The following EYA4 variants were observed in gnomAD, a reference collection of about 807,000 sequenced individuals.
The protein encoded by EYA4 is EYA transcriptional coactivator and phosphatase 4.
A neutral mutation model predicts 87.9 loss-of-function variants in EYA4; 31 were observed. The observed-to-expected ratio is 0.35, with a 90% CI of 0.27 to 0.48. The LOEUF (loss-of-function observed/expected upper bound fraction) is 0.48. EYA4 is among the 20% of genes least tolerant of loss of function. The pLI is 0.99. For missense variants in EYA4, 678 were observed against 761.4 expected, an observed-to-expected ratio of 0.89 and a Z score of 1.29; for synonymous variants, 263 against 270.6, an observed-to-expected ratio of 0.97 and a Z score of 0.28.
At chr6:133,408,436 G>C (rs1788920406) in intron 3 of EYA4, among the ~76,000 whole-genome samples, 1 of 151,986 alleles carries the variant, frequency 6.6e-6, no homozygotes, top group African/African-American at 2.4e-5. Context: ...ATTTGGTCTG[G>C]TTCTTAGAAT....
At position 133,454,580 on chromosome 6, in the gene EYA4, T is replaced by C. The variant is rs1793748057; in HGVS notation, c.278-1976T>C. On this transcript the variant is annotated intron_variant, in intron 5 of 19. Transcript: ENST00000355286. ...CTGAAAAATAAAGATGATGATATTATCTACTGACTGTTGAGAGGAGTAAAT... is the reference window on the plus strand; with the variant it reads ...CTGAAAAATAAAGATGATGATATTACCTACTGACTGTTGAGAGGAGTAAAT... Among the ~76,000 whole-genome samples, 5 of 152,148 alleles carry C rather than the reference T, an allele frequency of 3.3e-5. No homozygotes were observed. In the South Asian group the frequency reaches 1.0e-3, roughly 31 times the overall value.
chr6:133,507,301 A>G (rs1378746412), intron 14 of EYA4: 1 of 152,228 alleles, frequency 6.6e-6, no homozygotes, highest in African/African-American at 2.4e-5. Context: ...TCCAGAGCAC[A>G]TACTTCTGAC....
At chr6:133,526,238 G>A (rs1800621964) in intron 19 of EYA4, among the ~76,000 whole-genome samples, 1 of 152,098 alleles carries the variant, frequency 6.6e-6, no homozygotes, top group African/African-American at 2.4e-5. Context: ...AACAAAGCCA[G>A]ATGATGAATT....
intron 6 of EYA4, among the ~76,000 whole-genome samples, chr6:133,458,908 G>C (rs1203714152): frequency 6.6e-6 from 1 of 152,172 alleles, no homozygotes; most frequent in Non-Finnish European, 1.5e-5. Context: ...GTTGTATGCA[G>C]AAATGATGGA....
At chr6:133,528,445 TCCA>T (rs1800806795) in intron 19 of EYA4, among the ~76,000 whole-genome samples, 1 of 152,148 alleles carries the variant, frequency 6.6e-6, no homozygotes, top group Non-Finnish European at 1.5e-5. Context: ...TAGCGATACT[TCCA>T]GAATAAATAT....
chr6:133,512,870 T>C lies in EYA4; in HGVS notation c.1341-8T>C. 1 of 1,614,006 alleles carries C rather than the reference T, an allele frequency of 6.2e-7. No individual in the cohort carries two copies. ...TTATTTCTTTTTAATGTATTTTGGG[T>C]GTTACAGTACCTACAGTTTTGCAAC... On this transcript the variant is annotated splice_region_variant and splice_polypyrimidine_tract_variant and intron_variant, in intron 15 of 19. Coordinates refer to ENST00000355286, the MANE Select transcript of EYA4 (RefSeq NM_004100.5).
chr6:133,319,820 A>T (rs1347669314), intron 2 of EYA4, among the ~76,000 whole-genome samples: 1 of 151,484 alleles, frequency 6.6e-6, no homozygotes, highest in Non-Finnish European at 1.5e-5. Context: ...AGCTCAAGCG[A>T]TCCTCCCATC....
intron 2 of EYA4, among the ~76,000 whole-genome samples, chr6:133,288,334 G>T (rs967906227): frequency 1.3e-5 from 2 of 152,132 alleles, no homozygotes; most frequent in Admixed American, 1.3e-4. Flanking sequence ...ATCGAGTAAA[G>T]AATCAATAAA....
Position 133,529,761 on chromosome 6 carries a change from C to A in EYA4, c.*956C>A. On this transcript the variant is annotated 3_prime_UTR_variant, in exon 20 of 20. Transcript: ENST00000355286. ...GAAGGTTTGGGAAAGACTGTGGGACCTTTACTTAGAAAGTGAAATGTATGT... is the reference window on the plus strand; with the variant it reads ...GAAGGTTTGGGAAAGACTGTGGGACATTTACTTAGAAAGTGAAATGTATGT... 1.0e-6 allele frequency: 1 copy of A among 985,090 alleles called. No individual in the cohort carries two copies. The highest frequency in any genetic ancestry group is 4.7e-5 in the South Asian group (1 of 21,272). 61.0% of individuals were successfully genotyped at this position (985,090 alleles called of 1,614,324 possible).
At position 133,377,846 on chromosome 6, in the gene EYA4, C is replaced by A. The variant is rs575747219; in HGVS notation, c.34-4546C>A. Among the ~76,000 whole-genome samples the A allele has an allele frequency of 7.9e-5, 12 of 152,048 alleles. 1 individual carries two copies. The South Asian group carries it at 2.1e-3, about 26-fold the overall frequency. ...AAATGGGAGATATTAGTCAAGGGTA[C>A]AAAGTTTTACTTATGCAAGGTGGGT... On this transcript the variant is annotated intron_variant, in intron 2 of 19. Coordinates refer to ENST00000355286, the MANE Select transcript of EYA4 (RefSeq NM_004100.5).
chr6:133,441,486 G>A (rs1032413416), intron 3 of EYA4, among the ~76,000 whole-genome samples: 1 of 152,206 alleles, frequency 6.6e-6, no homozygotes, highest in African/African-American at 2.4e-5. Flanking sequence ...CGCACTTACA[G>A]ATAGAGCAAT....
At chr6:133,272,053 C>T (rs967067399) in intron 1 of EYA4, among the ~76,000 whole-genome samples, 2 of 152,230 alleles carry the variant, frequency 1.3e-5, no homozygotes, top group African/African-American at 4.8e-5. Flanking sequence ...TATATAATCA[C>T]ACATCTGGGC....
chr6:133,260,220 T>C (rs1169581404), intron 1 of EYA4, among the ~76,000 whole-genome samples: 2 of 151,714 alleles, frequency 1.3e-5, no homozygotes, highest in Non-Finnish European at 2.9e-5. Context: ...CTGTGTTTTG[T>C]TTCTTTATGT....
intron 2 of EYA4, among the ~76,000 whole-genome samples, chr6:133,336,867 G>A (rs7753675): frequency 0.025 from 3,853 of 152,106 alleles, 152 homozygotes; most frequent in African/African-American, 0.087. Context: ...CAATTTTTTT[G>A]CATCTATGAA....
At chr6:133,339,974 A>G (rs1394532980) in intron 2 of EYA4, among the ~76,000 whole-genome samples, 1 of 152,190 alleles carries the variant, frequency 6.6e-6, no homozygotes, top group Admixed American at 6.5e-5. Flanking sequence ...GCTAAAAACA[A>G]CAAGTAGGTT....
At chr6:133,500,208 A>C (rs952368225) in intron 13 of EYA4, among the ~76,000 whole-genome samples, 1 of 151,826 alleles carries the variant, frequency 6.6e-6, no homozygotes, top group Non-Finnish European at 1.5e-5. Flanking sequence ...TGATGCGTGG[A>C]CCCACCTCAG....
intron 2 of EYA4, among the ~76,000 whole-genome samples, chr6:133,331,202 T>C (rs1009093869): frequency 2.3e-4 from 35 of 152,260 alleles, no homozygotes; most frequent in Non-Finnish European, 3.8e-4. Context: ...CAAATAGATA[T>C]GGTTTTATGA....
intron 17 of EYA4, among the ~76,000 whole-genome samples, 189 bp downstream of exon 17, chr6:133,515,624 T>A (rs141626936): frequency 2.3e-4 from 4 of 17,508 alleles, no homozygotes; most frequent in East Asian, 3.6e-3. Flanking sequence ...TGTGTGTGAG[T>A]GTGTGTGTGT....
At chr6:133,369,934 A>ATGCTGG (rs1254881564) in intron 2 of EYA4, among the ~76,000 whole-genome samples, 1 of 151,964 alleles carries the variant, frequency 6.6e-6, no homozygotes, top group Non-Finnish European at 1.5e-5. Context: ...GGAGCTGCTG[A>ATGCTGG]TGAGGGTGAC....
Sources: allele counts gnomAD v4.1 joint callset (sites outside exome capture counted in the v4.1 genomes callset), GRCh38; gene constraint gnomAD v4.1.1; transcripts MANE v1.5; gene names NCBI Gene and HGNC (gene_info 2026-07-23, HGNC 2026-07-21).